SLC24A1: variants seen among roughly 807,000 people sequenced by gnomAD.
SLC24A1 encodes solute carrier family 24 member 1, also known as sodium/potassium/calcium exchanger 1.
In SLC24A1, 52 loss-of-function variants were observed where a neutral mutation model predicts 88.1. The observed-to-expected ratio is 0.59, with a 90% CI of 0.47 to 0.74. The LOEUF (loss-of-function observed/expected upper bound fraction) is 0.74. Ranked by LOEUF, SLC24A1 falls within the 30% of genes least tolerant of loss-of-function variation. The probability of loss-of-function intolerance (pLI) is 0.00; values close to 1 mark genes in which losing one functional copy is unlikely to be tolerated. For missense variants in SLC24A1, 1,173 were observed against 1,363.3 expected, an observed-to-expected ratio of 0.86 and a Z score of 2.20; for synonymous variants, 455 against 498.0, an observed-to-expected ratio of 0.91 and a Z score of 1.15.
At position 65,653,989 on chromosome 15, in the gene SLC24A1, G is replaced by C. The variant is rs2075595552; in HGVS notation, c.3210G>C (p.Leu1070=). ...GTAAATGGAGAATGAACAAGATCCTGGGCTTCACAATGTTCCTCCTTTACT... is the reference window on the plus strand; with the variant it reads ...GTAAATGGAGAATGAACAAGATCCTCGGCTTCACAATGTTCCTCCTTTACT... ...ASCKWRMNKI[L]GFTMFLLYFV... The change falls in exon 10 of 10, where the codon CTG becomes CTC. Residue 1070 remains leucine, a synonymous_variant. Coordinates refer to ENST00000261892, the MANE Select transcript of SLC24A1 (RefSeq NM_004727.3). 3.1e-6 allele frequency: 5 copies of C among 1,613,770 alleles called. No individual in the cohort carries two copies. The highest frequency in any genetic ancestry group is 4.2e-6 in the Non-Finnish European group (5 of 1,179,784).
At chr15:65,658,930 A>C (rs1441411625), downstream of SLC24A1, among the ~76,000 whole-genome samples, 1 of 152,228 alleles carries the variant, frequency 6.6e-6, no homozygotes, top group Non-Finnish European at 1.5e-5. Flanking sequence ...ATATGCTGGT[A>C]GTGTTAGGGT....
rs572621628 is a variant in SLC24A1, at chr15:65,630,864, G to A, written c.1890+4894G>A. Among the ~76,000 whole-genome samples the A allele has an allele frequency of 7.9e-5, 12 of 152,204 alleles. No homozygotes were observed. In the East Asian group the frequency reaches 1.4e-3, roughly 17 times the overall value. ...CACGCATCTGTAATTGCAGTTTCTC[G>A]GGAGGCTGAGGCAGGAGAATTGCTG... is the stretch of plus-strand genomic sequence containing the variant. On this transcript the variant is annotated intron_variant, in intron 2 of 9. Transcript: ENST00000261892.
At chr15:65,634,999 T>G (rs1311846980) in intron 2 of SLC24A1, among the ~76,000 whole-genome samples, 1 of 152,068 alleles carries the variant, frequency 6.6e-6, no homozygotes, top group Non-Finnish European at 1.5e-5. Flanking sequence ...CTTCAGAAAG[T>G]TAGAAGTGCA....
At chr15:65,646,087 C>T (rs1392190984) in intron 6 of SLC24A1, among the ~76,000 whole-genome samples, 1 of 152,184 alleles carries the variant, frequency 6.6e-6, no homozygotes, top group Non-Finnish European at 1.5e-5. Context: ...TCTGAGGCTC[C>T]TCATTGCCTA....
intron 2 of SLC24A1, among the ~76,000 whole-genome samples, chr15:65,634,797 G>C (rs959377102): frequency 2.0e-5 from 3 of 150,786 alleles, no homozygotes; most frequent in Admixed American, 6.6e-5. Context: ...ATAAGATCAG[G>C]GTGCTAAACA....
Position 65,638,129 on chromosome 15 carries a change from C to T in SLC24A1, c.1892C>T (p.Pro631Leu), listed in dbSNP as rs771446643. ...KVMALEDLSKPGDGAIAVDEL... is the reference protein window; with the variant it reads ...KVMALEDLSKLGDGAIAVDEL... ...CGTGACTCCTCTCCCTGTTTGCAGC[C>T]GGGCGATGGGGCCATTGCGGTGGAT... Residue 631 changes from proline (P) to leucine (L), a missense_variant and splice_region_variant, in exon 3 of 10, where the codon CCG becomes CTG. Pro to Leu is a moderately conservative substitution (Grantham distance 98, BLOSUM62 -3). Transcript: ENST00000261892. 18 of 1,608,260 alleles carry T rather than the reference C, an allele frequency of 1.1e-5. No homozygotes were observed. The highest frequency in any genetic ancestry group is 4.5e-5 in the East Asian group (2 of 44,768).
At chr15:65,643,051 ATTGTTG>A in intron 4 of SLC24A1, 1 of 1,287,616 alleles carries the variant, frequency 7.8e-7, no homozygotes, top group Non-Finnish European at 1.0e-6. Flanking sequence ...TGTTTTCATC[ATTGTTG>A]TTGTTGTTGT....
At chr15:65,652,504 T>G in intron 8 of SLC24A1, 138 bp from the exon 9 acceptor site, 1 of 699,570 alleles carries the variant, frequency 1.4e-6, no homozygotes, top group Non-Finnish European at 2.4e-6. Context: ...TCGGTCCCCC[T>G]ATCACCCTTC....
In SLC24A1 at chr15:65,624,107, G is replaced by A. The variant is rs199634174; in HGVS notation, c.27G>A (p.Pro9=). 7.5e-6 allele frequency: 12 copies of A among 1,606,742 alleles called. No homozygotes were observed. The African/African-American group carries it at 8.1e-5, about 11-fold the overall frequency. ...TGGGGAAATTGATCAGGATGGGGCC[G>A]CAAGAGAGGTGGTTACTCCGGACAA... MGKLIRMG[P]QERWLLRTKR... Residue 9 remains proline (P), a synonymous_variant, in exon 2 of 10, where the codon CCG becomes CCA. Coordinates refer to ENST00000261892, the MANE Select transcript of SLC24A1 (RefSeq NM_004727.3).
intron 9 of SLC24A1, chr15:65,653,026 T>G: frequency 5.1e-6 from 2 of 388,434 alleles, no homozygotes; most frequent in Non-Finnish European, 9.1e-6. Context: ...TGACTGGAAT[T>G]TACAGATAAA....
At position 65,644,459 on chromosome 15, in the gene SLC24A1, T is replaced by C; in HGVS notation, c.2086T>C (p.Leu696=). 1 of 1,597,270 alleles carries C rather than the reference T, an allele frequency of 6.3e-7. No individual in the cohort carries two copies. The highest frequency in any genetic ancestry group is 1.3e-5 in the African/African-American group (1 of 74,732). Residue 696 remains leucine, a synonymous_variant, in exon 5 of 10, where the codon TTG becomes CTG. Coordinates refer to ENST00000261892, the MANE Select transcript of SLC24A1 (RefSeq NM_004727.3). The stretch of plus-strand genomic sequence containing the variant: ...TGCCAAGGAGAAGGAGGAGGAGAGC[T>C]TGAATCAAGGGGCCAGAGCCCAACC... ...RLAKEKEEES[L]NQGARAQPQA...
intron 6 of SLC24A1, among the ~76,000 whole-genome samples, chr15:65,649,186 TC>T (rs2075411709): frequency 6.6e-6 from 1 of 152,108 alleles, no homozygotes; most frequent in Non-Finnish European, 1.5e-5. Flanking sequence ...CACTGCAACT[TC>T]TACCACCCAG....
Position 65,655,188 on chromosome 15 carries a change from T to C in SLC24A1, c.*1109T>C, listed in dbSNP as rs1596359472. On this transcript the variant is annotated 3_prime_UTR_variant, in exon 10 of 10. Transcript: ENST00000261892. ...GCATGTTCTCACCCAACAATGACAG[T>C]TGAGTGGAGTGGGAAGGGAAGTCAT... 3.0e-6 allele frequency: 3 copies of C among 987,110 alleles called. No homozygotes were observed. Among genetic ancestry groups the C allele is most frequent in the African/African-American group, 1.7e-5 (1 of 57,328 alleles). 61.1% of individuals were successfully genotyped at this position (987,110 alleles called of 1,614,324 possible). A position where few individuals can be genotyped will look rare whatever the true frequency, so the allele number is the denominator to read the frequency against.
chr15:65,631,657 T>C (rs1352446137), intron 2 of SLC24A1, among the ~76,000 whole-genome samples: 3 of 152,058 alleles, frequency 2.0e-5, no homozygotes, highest in Non-Finnish European at 2.9e-5. Flanking sequence ...TAGTGAGTAA[T>C]AGGGAGAGGG....
upstream of SLC24A1, chr15:65,619,025 T>C (rs2141410624): frequency 6.6e-6 from 1 of 152,386 alleles, no homozygotes; most frequent in Admixed American, 6.5e-5. Flanking sequence ...CATAGGATGT[T>C]TGGGGACTTA....
intron 7 of SLC24A1, 67 bp downstream of exon 7, chr15:65,651,009 G>A (rs1405135388): frequency 1.7e-5 from 24 of 1,375,996 alleles, no homozygotes; most frequent in East Asian, 6.9e-5. Flanking sequence ...CTCGGCATGC[G>A]GGGCTCACAC....
chr15:65,622,900 C>A (rs541758547), intron 1 of SLC24A1, among the ~76,000 whole-genome samples: 2 of 152,142 alleles, frequency 1.3e-5, no homozygotes, highest in East Asian at 3.9e-4. Flanking sequence ...CACCACCACG[C>A]CTGGCTAACT....
rs1460844618 is a variant in SLC24A1, at chr15:65,654,793, C to A, written c.*714C>A. On this transcript the variant is annotated 3_prime_UTR_variant, in exon 10 of 10. Transcript: ENST00000261892. ...TGATCTCGGCACACCACAACCTTCA[C>A]CTCCCCGGTTCAAGCAATTCTCCTG... is the stretch of plus-strand genomic sequence containing the variant. 2 of 1,048,714 alleles carry A rather than the reference C, an allele frequency of 1.9e-6. No homozygotes were observed. The highest frequency in any genetic ancestry group is 1.7e-5 in the African/African-American group (1 of 59,406). The allele number at this position is 1,048,714 out of a possible 1,614,324, so 65.0% of individuals were successfully genotyped here.
At chr15:65,640,304 G>A (rs1048218677) in intron 4 of SLC24A1, among the ~76,000 whole-genome samples, 1 of 152,230 alleles carries the variant, frequency 6.6e-6, no homozygotes, top group Non-Finnish European at 1.5e-5. Flanking sequence ...GGTGACGAGG[G>A]TAAGAGCAGG....
Sources: gnomAD v4.1 joint callset for allele counts (sites outside exome capture counted in the v4.1 genomes callset) on GRCh38, gnomAD v4.1.1 for gene constraint, MANE v1.5 for transcripts, NCBI Gene and HGNC (gene_info 2026-07-23, HGNC 2026-07-21) for gene names.